The following THSD7A variants were observed in gnomAD, a reference collection of about 807,000 sequenced individuals.
THSD7A encodes thrombospondin type-1 domain-containing protein 7A.
THSD7A carries 96 observed loss-of-function variants against 231.3 expected under a neutral mutation model. The observed-to-expected ratio is 0.41, with a 90% CI of 0.35 to 0.49. The LOEUF (loss-of-function observed/expected upper bound fraction) is 0.49, where lower values mean the gene tolerates loss of function less well. THSD7A is among the 20% of genes least tolerant of loss of function. The pLI, the probability that THSD7A is intolerant of heterozygous loss-of-function variation, is 0.05. For synonymous variants in THSD7A, 940 were observed against 743.3 expected, an observed-to-expected ratio of 1.26 and a Z score of -4.30; for missense variants, 2,290 against 2,070.2, an observed-to-expected ratio of 1.11 and a Z score of -2.06.
At chr7:11,497,683 C>T (rs1184501777) in intron 6 of THSD7A, among the ~76,000 whole-genome samples, 1 of 152,152 alleles carries the variant, frequency 6.6e-6, no homozygotes, top group Non-Finnish European at 1.5e-5. Flanking sequence ...CGACTAGAAG[C>T]AGCTAGTATG....
At chr7:11,543,346 A>T (rs1172869152) in intron 4 of THSD7A, among the ~76,000 whole-genome samples, 2 of 152,240 alleles carry the variant, frequency 1.3e-5, no homozygotes, top group Non-Finnish European at 2.9e-5. Context: ...AAATTGTTTG[A>T]TTACCAGTTT....
intron 23 of THSD7A, among the ~76,000 whole-genome samples, chr7:11,397,062 C>G (rs897500164): frequency 6.6e-6 from 1 of 152,134 alleles, no homozygotes; most frequent in Admixed American, 6.6e-5. Context: ...GCAGAAGAGG[C>G]CTTTGACAAA....
intron 6 of THSD7A, among the ~76,000 whole-genome samples, chr7:11,502,179 TA>T (rs1194879697): frequency 3.3e-5 from 5 of 152,112 alleles, no homozygotes; most frequent in Non-Finnish European, 7.4e-5. Flanking sequence ...CAGGAGGACC[TA>T]AAAGATTCAT....
In THSD7A at chr7:11,814,168, G is replaced by A. The variant is rs923397805; in HGVS notation, c.190+17589C>T. 6.6e-6 allele frequency among the ~76,000 whole-genome samples: 1 copy of A among 152,122 alleles called. No individual in the cohort carries two copies. The highest frequency in any genetic ancestry group is 1.5e-5 in the Non-Finnish European group (1 of 68,032). ...GCTCAGGGATGCAGGATTTCTTCTT[G>A]GGGTAATGAAAATGTTCTTGAATTG... On this transcript the variant is annotated intron_variant, in intron 1 of 27. Coordinates refer to ENST00000423059, the MANE Select transcript of THSD7A (RefSeq NM_015204.3). This position sits in a 1 kb window ranked among gnomAD's most constrained non-coding sequence, Gnocchi z 5.1.
At chr7:11,386,257 G>T (rs1291208481) in intron 23 of THSD7A, among the ~76,000 whole-genome samples, 1 of 150,454 alleles carries the variant, frequency 6.6e-6, no homozygotes, top group African/African-American at 2.4e-5. Context: ...GAGGCCAATG[G>T]TGTTCCTGGT....
chr7:11,447,494 C>T, intron 11 of THSD7A, 70 bp from the exon 12 acceptor site: 2 of 1,336,044 alleles, frequency 1.5e-6, no homozygotes, highest in South Asian at 1.6e-5. Flanking sequence ...AGAAGCTAAC[C>T]TAACATTTGG....
intron 1 of THSD7A, among the ~76,000 whole-genome samples, chr7:11,653,989 A>G (rs1222350855): frequency 1.3e-5 from 2 of 151,920 alleles, no homozygotes; most frequent in African/African-American, 4.8e-5. Context: ...ATTGTCTTCT[A>G]TGTTCTTACT....
At chr7:11,574,436 C>CTG (rs1554341490) in intron 4 of THSD7A, among the ~76,000 whole-genome samples, 1 of 138,236 alleles carries the variant, frequency 7.2e-6, no homozygotes, top group African/African-American at 2.7e-5. Flanking sequence ...GAAACAAAAA[C>CTG]TTTTTTTTTT....
intron 8 of THSD7A, among the ~76,000 whole-genome samples, chr7:11,473,688 C>G (rs553587462): frequency 1.3e-5 from 2 of 152,024 alleles, no homozygotes; most frequent in South Asian, 4.2e-4. Flanking sequence ...TATAATATGT[C>G]GACTCTCTGG....
intron 1 of THSD7A, among the ~76,000 whole-genome samples, chr7:11,750,834 C>G (rs531004809): frequency 6.6e-6 from 1 of 152,096 alleles, no homozygotes; most frequent in East Asian, 2.0e-4. Flanking sequence ...TGAGGAATGA[C>G]AGTAATACAC....
At chr7:11,459,249 AAG>A (rs1785413552) in intron 11 of THSD7A, among the ~76,000 whole-genome samples, 1 of 152,132 alleles carries the variant, frequency 6.6e-6, no homozygotes, top group South Asian at 2.1e-4. Context: ...AGGGATGAGT[AAG>A]ACACACTGTA....
intron 1 of THSD7A, among the ~76,000 whole-genome samples, chr7:11,781,596 A>G (rs1783634612): frequency 6.6e-6 from 1 of 152,218 alleles, no homozygotes; most frequent in Non-Finnish European, 1.5e-5. Context: ...GTTTGCTACA[A>G]ATAAAGTAGA....
chr7:11,417,670 A>G (rs1784008281), intron 16 of THSD7A, 67 bp from the exon 17 acceptor site: 3 of 1,511,350 alleles, frequency 2.0e-6, no homozygotes, highest in Admixed American at 2.1e-5. Flanking sequence ...AAACAGGACA[A>G]TTAGAATGAC....
rs561472802 is a variant in THSD7A, at chr7:11,594,127, C to T, written c.1023-625G>A. ...GAGTAGACTGGCCTAACCTCTCAAC[C>T]TACATCTTTCTCCCGTGCTAGATGC... On this transcript the variant is annotated intron_variant, in intron 2 of 27. Transcript: ENST00000423059. 1.3e-3 allele frequency among the ~76,000 whole-genome samples: 205 copies of T among 152,150 alleles called. 2 individuals carry two copies. Among genetic ancestry groups the T allele is most frequent in the Non-Finnish European group, 2.0e-3 (134 of 68,038 alleles).
At chr7:11,819,482 C>T (rs1410263262) in intron 1 of THSD7A, among the ~76,000 whole-genome samples, 3 of 152,202 alleles carry the variant, frequency 2.0e-5, no homozygotes, top group East Asian at 3.9e-4. Flanking sequence ...TTGTTCAGCG[C>T]TCAAAAGAAA....
chr7:11,550,533 G>A (rs117972605), intron 4 of THSD7A, among the ~76,000 whole-genome samples: 1,977 of 152,148 alleles, frequency 0.013, 29 homozygotes, highest in Non-Finnish European at 0.02. Flanking sequence ...TGGTGGTTTC[G>A]AAGTGACACT....
intron 1 of THSD7A, among the ~76,000 whole-genome samples, chr7:11,721,376 T>A (rs1187816295): frequency 1.3e-5 from 2 of 151,780 alleles, no homozygotes; most frequent in South Asian, 4.1e-4. Context: ...AATCTAGCTG[T>A]TTAAAGGTGT....
At chr7:11,454,687 T>G (rs1324671545) in intron 11 of THSD7A, among the ~76,000 whole-genome samples, 1 of 151,938 alleles carries the variant, frequency 6.6e-6, no homozygotes, top group African/African-American at 2.4e-5. Context: ...GTTAACTGAA[T>G]CTATTTGTTA....
In THSD7A at chr7:11,460,697, G is replaced by A. The variant is rs370943585; in HGVS notation, c.2570C>T (p.Ala857Val). Residue 857 changes from alanine (A) to valine (V), a missense_variant, in exon 11 of 28, where the codon GCA becomes GTA. Ala to Val is a moderately conservative substitution (Grantham distance 64, BLOSUM62 0). Coordinates refer to ENST00000423059, the MANE Select transcript of THSD7A (RefSeq NM_015204.3). ...PWSVQQDSPG[A>V]QEGCGPGRQA... Reference sequence around the variant, plus strand: ...TCGCCCAGGCCCACAGCCTTCCTGTGCTCCAGGGCTGTCTTGTTGCACGCT... The same window carrying A: ...TCGCCCAGGCCCACAGCCTTCCTGTACTCCAGGGCTGTCTTGTTGCACGCT... 9.9e-6 allele frequency: 16 copies of A among 1,611,942 alleles called. No homozygotes were observed. The African/African-American group carries it at 1.9e-4, about 19-fold the overall frequency.
Sources: allele counts gnomAD v4.1 joint callset (sites outside exome capture counted in the v4.1 genomes callset), GRCh38; gene constraint gnomAD v4.1.1; non-coding constraint Gnocchi (gnomAD v3.1); transcripts MANE v1.5; gene names NCBI Gene and HGNC (gene_info 2026-07-23, HGNC 2026-07-21).